The following RIOK3 variants were observed in gnomAD, a reference collection of about 807,000 sequenced individuals.
RIOK3 encodes the protein RIO kinase 3.
Under a neutral mutation model 63.5 loss-of-function variants are expected in RIOK3, and 40 were observed. That is an observed-to-expected ratio of 0.63 (90% CI 0.49 to 0.82). The LOEUF is 0.82. Ranked by LOEUF, RIOK3 falls within the 40% of genes least tolerant of loss-of-function variation. The pLI, the probability that RIOK3 is intolerant of heterozygous loss-of-function variation, is 0.00. For missense variants in RIOK3, 557 were observed against 637.0 expected (o/e 0.87, Z 1.35); for synonymous variants, 193 against 205.0 (o/e 0.94, Z 0.50).
chr18:23,465,000 C>T (rs151072294), intron 5 of RIOK3, among the ~76,000 whole-genome samples: 24 of 152,276 alleles, frequency 1.6e-4, no homozygotes, highest in African/African-American at 5.8e-4. Flanking sequence ...TCACCATATA[C>T]TCTTTTGTGC....
At chr18:23,480,662 C>T (rs1440767198) in intron 12 of RIOK3, among the ~76,000 whole-genome samples, 2 of 151,696 alleles carry the variant, frequency 1.3e-5, no homozygotes, top group Non-Finnish European at 2.9e-5. Flanking sequence ...ATTACTGGCT[C>T]AGCCAGGCAT....
chr18:23,479,725 T>C (rs928744680), intron 12 of RIOK3, among the ~76,000 whole-genome samples: 4 of 152,040 alleles, frequency 2.6e-5, no homozygotes, highest in African/African-American at 9.7e-5. Context: ...TACAGGTGTG[T>C]GCCACCATGC....
In RIOK3 at chr18:23,470,896, T is replaced by C. The variant is rs1456933696; in HGVS notation, c.816-2533T>C. On this transcript the variant is annotated intron_variant, in intron 7 of 12. Coordinates refer to ENST00000339486, the MANE Select transcript of RIOK3 (RefSeq NM_003831.5). Reference sequence around the variant, plus strand: ...ATTTTTGCTAGGGCCTCACCTACTATGTGGTTAAACTAGTCCAATGAAAGG... The same window carrying C: ...ATTTTTGCTAGGGCCTCACCTACTACGTGGTTAAACTAGTCCAATGAAAGG... Among the ~76,000 whole-genome samples the C allele has an allele frequency of 3.3e-5, 5 of 152,336 alleles. No individual in the cohort carries two copies. The East Asian group carries it at 7.7e-4, about 23-fold the overall frequency.
rs1444589644 is a variant in RIOK3 at position 23,466,212 on chromosome 18, A to G, written c.623A>G (p.Gln208Arg). 2 of 1,613,086 alleles carry G rather than the reference A, an allele frequency of 1.2e-6. No individual in the cohort carries two copies. Among genetic ancestry groups the G allele is most frequent in the East Asian group, 2.2e-5 (1 of 44,862 alleles). The change falls in exon 6 of 13, where the codon CAA becomes CGA. Residue 208 changes from glutamine to arginine, a missense_variant. Physicochemically the swap from Gln to Arg is conservative, Grantham distance 43. Transcript: ENST00000339486. The stretch of plus-strand genomic sequence containing the variant: ...AACCATGTTTTCAATGCTTTAAAAC[A>G]ACATGCCTACTCAGAAGAACGTCGA... ...LSNHVFNALKQHAYSEERRSA... is the reference protein window; with the variant it reads ...LSNHVFNALKRHAYSEERRSA...
chr18:23,453,697 G>A (rs1279684906), intron 1 of RIOK3, among the ~76,000 whole-genome samples, 195 bp downstream of exon 1: 1 of 152,258 alleles, frequency 6.6e-6, no homozygotes, highest in Non-Finnish European at 1.5e-5. Flanking sequence ...GAGGGCGGCT[G>A]GATCTCCCAA....
In RIOK3 at chr18:23,477,065, C is replaced by G; in HGVS notation, c.1233C>G (p.Asn411Lys). Residue 411 changes from asparagine to lysine, a missense_variant, in exon 10 of 13, where the codon AAC (asparagine) becomes AAG (lysine). Physicochemically the swap from Asn to Lys is moderately conservative, Grantham distance 94 (BLOSUM62 0). Coordinates refer to ENST00000339486, the MANE Select transcript of RIOK3 (RefSeq NM_003831.5). ...TLVHADLSEY[N>K]MLWHAGKVWL... Reference sequence around the variant, plus strand: ...TCCATGCTGACCTCAGTGAGTATAACATGCTGTGGCATGCTGGAAAGGTGA... The same window carrying G: ...TCCATGCTGACCTCAGTGAGTATAAGATGCTGTGGCATGCTGGAAAGGTGA... 6.2e-7 allele frequency: 1 copy of G among 1,614,014 alleles called. No individual in the cohort carries two copies. Among genetic ancestry groups the G allele is most frequent in the South Asian group, 1.1e-5 (1 of 91,080 alleles).
At chr18:23,462,774 A>G (rs1421227666) in intron 1 of RIOK3, among the ~76,000 whole-genome samples, 190 bp from the exon 2 acceptor site, 1 of 152,234 alleles carries the variant, frequency 6.6e-6, no homozygotes, top group Non-Finnish European at 1.5e-5. Context: ...GTTTTAGTTT[A>G]CATATATCCT....
At chr18:23,476,935 T>G in intron 9 of RIOK3, 71 bp from the exon 10 acceptor site, 1 of 1,323,600 alleles carries the variant, frequency 7.6e-7, no homozygotes, top group Non-Finnish European at 1.1e-6. Context: ...AATAAAAAAC[T>G]TTCAGGGGTG....
At chr18:23,477,718 G>A (rs1247664113) in intron 11 of RIOK3, among the ~76,000 whole-genome samples, 4 of 149,736 alleles carry the variant, frequency 2.7e-5, no homozygotes, top group South Asian at 2.1e-4. Flanking sequence ...AGCCAAGAAC[G>A]TGCTACTGCA....
chr18:23,462,466 C>G (rs2057378557), intron 1 of RIOK3, among the ~76,000 whole-genome samples: 1 of 152,180 alleles, frequency 6.6e-6, no homozygotes, highest in Non-Finnish European at 1.5e-5. Flanking sequence ...TTTAGCATAT[C>G]CTAAGATGTT....
intron 1 of RIOK3, among the ~76,000 whole-genome samples, chr18:23,457,679 T>TA (rs2057349665): frequency 6.6e-6 from 1 of 152,192 alleles, no homozygotes; most frequent in South Asian, 2.1e-4. Flanking sequence ...AAAAAAATTT[T>TA]AAAAAATGGA....
At chr18:23,480,893 C>T (rs866948515) in intron 12 of RIOK3, among the ~76,000 whole-genome samples, 1 of 152,134 alleles carries the variant, frequency 6.6e-6, no homozygotes, top group African/African-American at 2.4e-5. Context: ...TCGAGACCAG[C>T]CTGGGCAACA....
At chr18:23,472,102 A>C (rs901795489) in intron 7 of RIOK3, among the ~76,000 whole-genome samples, 1 of 152,018 alleles carries the variant, frequency 6.6e-6, no homozygotes, top group African/African-American at 2.4e-5. Context: ...GCGTGGTGGC[A>C]TGCACGTGTA....
At position 23,477,204 on chromosome 18, in the gene RIOK3, C is replaced by A; in HGVS notation, c.1280C>A (p.Ser427Ter). The A allele has an allele frequency of 1.2e-6, 2 of 1,614,090 alleles. No individual in the cohort carries two copies. Among genetic ancestry groups the A allele is most frequent in the South Asian group, 2.2e-5 (2 of 91,056 alleles). ...GKVWLIDVSQ[S>*]VEPTHPHGLE... ...GTCTGGTTGATCGATGTCAGTCAGTCAGTAGAACCTACCCACCCTCACGGC... is the reference window on the plus strand; with the variant it reads ...GTCTGGTTGATCGATGTCAGTCAGTAAGTAGAACCTACCCACCCTCACGGC... Residue 427 changes from serine to a stop codon, truncating the protein, a stop_gained, in exon 11 of 13, where the codon TCA becomes TAA. Transcript: ENST00000339486. LOFTEE classifies it high-confidence loss of function.
chr18:23,464,753 T>A, intron 5 of RIOK3, 125 bp downstream of exon 5: 1 of 504,188 alleles, frequency 2.0e-6, no homozygotes, highest in African/African-American at 2.0e-5. Context: ...TGTTTTTAGA[T>A]AACAATATGG....
intron 12 of RIOK3, among the ~76,000 whole-genome samples, chr18:23,479,667 C>T (rs2057518480): frequency 6.6e-6 from 1 of 151,882 alleles, no homozygotes; most frequent in Non-Finnish European, 1.5e-5. Context: ...ACCTCTGCCT[C>T]TTGGGTTCAA....
intron 1 of RIOK3, among the ~76,000 whole-genome samples, chr18:23,460,615 T>C (rs760109673): frequency 2.6e-5 from 4 of 152,234 alleles, no homozygotes; most frequent in Non-Finnish European, 5.9e-5. Context: ...TTGTCTGTTA[T>C]GTAACTGTTA....
intron 1 of RIOK3, among the ~76,000 whole-genome samples, chr18:23,461,467 C>T (rs2057371697): frequency 6.6e-6 from 1 of 152,178 alleles, no homozygotes; most frequent in Non-Finnish European, 1.5e-5. Flanking sequence ...CGTTAGGATG[C>T]TCTGAAAGTA....
intron 1 of RIOK3, among the ~76,000 whole-genome samples, chr18:23,457,899 CTT>C (rs551826447): frequency 3.5e-5 from 5 of 143,510 alleles, no homozygotes; most frequent in African/African-American, 2.5e-5. Flanking sequence ...TGCTGGTTTT[CTT>C]TTTTTTTTTT....
Sources: gnomAD v4.1 joint callset for allele counts (sites outside exome capture counted in the v4.1 genomes callset) on GRCh38, gnomAD v4.1.1 for gene constraint, MANE v1.5 for transcripts, NCBI Gene and HGNC (gene_info 2026-07-23, HGNC 2026-07-21) for gene names.